NRCAM: variants seen among roughly 807,000 people sequenced by gnomAD.
The protein encoded by NRCAM is neuronal cell adhesion molecule.
NRCAM carries 83 observed loss-of-function variants against 156.5 expected under a neutral mutation model. That is an observed-to-expected ratio of 0.53 (90% CI 0.44 to 0.64). The LOEUF (loss-of-function observed/expected upper bound fraction) is 0.64. Ranked by LOEUF, NRCAM falls within the 30% of genes least tolerant of loss-of-function variation. The pLI, the probability that NRCAM is intolerant of heterozygous loss-of-function variation, is 0.00. For missense variants in NRCAM, 1,417 were observed against 1,597.3 expected (o/e 0.89, Z 1.92); for synonymous variants, 538 against 563.9 (o/e 0.95, Z 0.65).
At chr7:108,215,461 C>T (rs945293246) in intron 11 of NRCAM, among the ~76,000 whole-genome samples, 5 of 151,862 alleles carry the variant, frequency 3.3e-5, no homozygotes, top group Admixed American at 6.6e-5. Context: ...ATGATCCACC[C>T]GCCTCAGCCT....
At chr7:108,284,954 G>A (rs752547979) in intron 3 of NRCAM, among the ~76,000 whole-genome samples, 34 of 152,210 alleles carry the variant, frequency 2.2e-4, no homozygotes, top group Non-Finnish European at 3.4e-4. Context: ...GGGTAGAAGG[G>A]CTCATTCACC....
chr7:108,171,216 G>GT lies in NRCAM; in HGVS notation c.3188-2815dup, dbSNP rs1283088707. 3.9e-5 allele frequency among the ~76,000 whole-genome samples: 6 copies of GT among 152,270 alleles called. No homozygotes were observed. The East Asian group carries it at 9.6e-4, about 24-fold the overall frequency. On this transcript the variant is annotated intron_variant, in intron 28 of 32. Transcript: ENST00000379028. ...TGCTTCCGGTGTGCCTCGCCCAACT[G>GT]TAAGTCTTCCTCTGTAGATACCGCC... is the stretch of plus-strand genomic sequence containing the variant.
At chr7:108,358,272 G>C (rs2099521611) in intron 2 of NRCAM, among the ~76,000 whole-genome samples, 1 of 149,564 alleles carries the variant, frequency 6.7e-6, no homozygotes, top group South Asian at 2.1e-4. Flanking sequence ...AGGCCTGACA[G>C]TGCATGCCTG....
intron 1 of NRCAM, among the ~76,000 whole-genome samples, chr7:108,411,459 T>C (rs1795217856): frequency 6.6e-6 from 1 of 152,222 alleles, no homozygotes. Context: ...TACTATATGC[T>C]ATTTTACAAC....
intron 2 of NRCAM, among the ~76,000 whole-genome samples, chr7:108,394,815 T>C (rs1334249556): frequency 1.3e-5 from 2 of 152,206 alleles, no homozygotes; most frequent in African/African-American, 4.8e-5. Context: ...CCTCAATCTT[T>C]CCTCATAGGT....
chr7:108,428,615 G>C (rs1187646339), intron 1 of NRCAM, among the ~76,000 whole-genome samples: 1 of 152,148 alleles, frequency 6.6e-6, no homozygotes, highest in Admixed American at 6.5e-5. Context: ...TAACAGAGAA[G>C]GGTCCCTTCT....
At chr7:108,197,416 G>T (rs1362015557) in intron 14 of NRCAM, among the ~76,000 whole-genome samples, 1 of 152,084 alleles carries the variant, frequency 6.6e-6, no homozygotes, top group Admixed American at 6.5e-5. Flanking sequence ...TAACAAATGT[G>T]GTATTTTGGT....
At chr7:108,358,853 A>G (rs2099527618) in intron 2 of NRCAM, among the ~76,000 whole-genome samples, 1 of 152,232 alleles carries the variant, frequency 6.6e-6, no homozygotes, top group Admixed American at 6.5e-5. Flanking sequence ...AGATGAGGAC[A>G]TCACAAAACT....
intron 3 of NRCAM, among the ~76,000 whole-genome samples, chr7:108,266,833 A>G (rs2097124995): frequency 6.6e-6 from 1 of 152,238 alleles, no homozygotes; most frequent in Admixed American, 6.5e-5. Context: ...AGGAAAAAGA[A>G]AGGGCCATCA....
At chr7:108,182,999 C>T in intron 22 of NRCAM, 79 bp from the exon 23 acceptor site, 2 of 1,127,788 alleles carry the variant, frequency 1.8e-6, no homozygotes, top group Admixed American at 2.0e-5. Context: ...AAATTCAATT[C>T]CCAGACCTAC....
At chr7:108,248,527 A>G (rs1359993324) in intron 3 of NRCAM, among the ~76,000 whole-genome samples, 1 of 152,152 alleles carries the variant, frequency 6.6e-6, no homozygotes, top group African/African-American at 2.4e-5. Flanking sequence ...TACTCCAGTG[A>G]GAAATTAACC....
chr7:108,377,309 T>C (rs2099680329), intron 2 of NRCAM, among the ~76,000 whole-genome samples: 1 of 152,168 alleles, frequency 6.6e-6, no homozygotes, highest in Non-Finnish European at 1.5e-5. Context: ...CAGACAACTG[T>C]AGCACTTTCA....
intron 2 of NRCAM, among the ~76,000 whole-genome samples, chr7:108,355,502 A>T (rs1295854427): frequency 6.6e-6 from 1 of 152,226 alleles, no homozygotes; most frequent in African/African-American, 2.4e-5. Flanking sequence ...AAAGAGAAAA[A>T]ATGATGTATA....
chr7:108,339,320 C>G (rs2099247325), intron 2 of NRCAM, among the ~76,000 whole-genome samples: 1 of 152,156 alleles, frequency 6.6e-6, no homozygotes, highest in Non-Finnish European at 1.5e-5. Flanking sequence ...GAAAAACTGC[C>G]TAATAATTGG....
chr7:108,316,764 G>A (rs2098929712), intron 2 of NRCAM, among the ~76,000 whole-genome samples: 1 of 151,282 alleles, frequency 6.6e-6, no homozygotes, highest in Non-Finnish European at 1.5e-5. Context: ...ACTCCAGCCT[G>A]GGCAATGGAG....
In NRCAM at chr7:108,207,505, TA is replaced by T. The variant is rs1475139090; in HGVS notation, c.1207+22del. The T allele has an allele frequency of 1.9e-6, 3 of 1,611,174 alleles. No homozygotes were observed. In the Admixed American group the frequency reaches 5.0e-5, roughly 27 times the overall value. On this transcript the variant is annotated intron_variant, in intron 13 of 32. Coordinates refer to ENST00000379028, the MANE Select transcript of NRCAM (RefSeq NM_001037132.4). The stretch of plus-strand genomic sequence containing the variant: ...ATATGCTCTGAAAATATACTGCAAT[TA>T]GAACCACTCAAGGCAACTTACTTTC...
chr7:108,177,966 CT>C, intron 26 of NRCAM, 23 bp downstream of exon 26: 1 of 1,570,058 alleles, frequency 6.4e-7, no homozygotes, highest in Non-Finnish European at 8.6e-7. Context: ...CATATTTCCC[CT>C]TCTCTTCCTC....
chr7:108,154,458 A>T (rs1453432219), intron 32 of NRCAM, among the ~76,000 whole-genome samples: 1 of 152,198 alleles, frequency 6.6e-6, no homozygotes, highest in Non-Finnish European at 1.5e-5. Flanking sequence ...TTTACATACA[A>T]AATCATAACA....
In NRCAM at chr7:108,180,302, G is replaced by A; in HGVS notation, c.2772C>T (p.Tyr924=). 3.7e-6 allele frequency: 6 copies of A among 1,614,220 alleles called. No homozygotes were observed. The highest frequency in any genetic ancestry group is 1.3e-5 in the African/African-American group (1 of 75,054). ...MLPGLEPFSH[Y]TLNVRVVNGK... is the part of the protein sequence containing the mutation. ...CATTGACCACTCGGACATTCAGTGT[G>A]TAGTGGCTAAAGGGCTCTAGCCCCG... The change falls in exon 25 of 33, where the codon TAC becomes TAT. Residue 924 remains tyrosine, a synonymous_variant. Transcript: ENST00000379028.
Sources: allele counts gnomAD v4.1 joint callset (sites outside exome capture counted in the v4.1 genomes callset), GRCh38; gene constraint gnomAD v4.1.1; transcripts MANE v1.5; gene names NCBI Gene and HGNC (gene_info 2026-07-23, HGNC 2026-07-21).